MYBPC1: variants seen among roughly 807,000 people sequenced by gnomAD.
MYBPC1 encodes the protein myosin binding protein C1, also known as myosin-binding protein C, slow-type.
In MYBPC1, 52 loss-of-function variants were observed where a neutral mutation model predicts 147.1. The ratio of observed to expected loss-of-function variants is 0.35; its 90% CI spans 0.28 to 0.45. MYBPC1 has a LOEUF of 0.45. Among genes scored for constraint, MYBPC1 ranks in the 20% least tolerant of loss-of-function variants. MYBPC1 has a pLI of 1.00. For synonymous variants in MYBPC1, 477 were observed against 475.9 expected, an observed-to-expected ratio of 1.00 and a Z score of -0.03; for missense variants, 1,228 against 1,440.3, an observed-to-expected ratio of 0.85 and a Z score of 2.39.
chr12:101,670,997 A>ACC (rs1172606318), intron 24 of MYBPC1, among the ~76,000 whole-genome samples: 1 of 151,570 alleles, frequency 6.6e-6, no homozygotes, highest in Non-Finnish European at 1.5e-5. Flanking sequence ...ACACACACAC[A>ACC]CCCTGCACCT....
At chr12:101,666,812 G>T in intron 22 of MYBPC1, 1 of 1,610,238 alleles carries the variant, frequency 6.2e-7, no homozygotes, top group Non-Finnish European at 8.5e-7. Flanking sequence ...AGTATTCCGT[G>T]AAGCTCTCAA....
At chr12:101,662,605 T>C (rs1486345969) in intron 21 of MYBPC1, 59 bp downstream of exon 21, 1 of 1,573,226 alleles carries the variant, frequency 6.4e-7, no homozygotes, top group East Asian at 2.2e-5. Context: ...TATGACTGCT[T>C]TCTCTCTGAT....
chr12:101,673,734 CTTTT>C (rs1447621662), intron 25 of MYBPC1, 112 bp downstream of exon 25: 1 of 1,165,088 alleles, frequency 8.6e-7, no homozygotes. Flanking sequence ...ACATAAAACT[CTTTT>C]TTTAGATTTA....
At chr12:101,631,884 G>T (rs1166155823) in intron 7 of MYBPC1, 137 bp from the exon 8 acceptor site, 1 of 1,295,466 alleles carries the variant, frequency 7.7e-7, no homozygotes, top group African/African-American at 1.5e-5. Context: ...CTGTGTCCGG[G>T]GGCTACAGGA....
chr12:101,639,028 AAAAATATGATT>A (rs1314733953), intron 10 of MYBPC1, among the ~76,000 whole-genome samples: 1 of 152,190 alleles, frequency 6.6e-6, no homozygotes, highest in African/African-American at 2.4e-5. Context: ...CACAAGAAAA[AAAAATATGATT>A]AAAACCAACA....
In MYBPC1 at chr12:101,675,449, C is replaced by A. The variant is rs1349440133; in HGVS notation, c.2949+18C>A. On this transcript the variant is annotated intron_variant, in intron 26 of 31. Coordinates refer to ENST00000361466, the MANE Select transcript of MYBPC1 (RefSeq NM_002465.4). ...AGAGCATGGTAAGGTCTGGCTTTCTCTGGTTCATCAGTAGCAAAAGGCACA... is the reference window on the plus strand; with the variant it reads ...AGAGCATGGTAAGGTCTGGCTTTCTATGGTTCATCAGTAGCAAAAGGCACA... 1.2e-6 allele frequency: 2 copies of A among 1,613,888 alleles called. No individual in the cohort carries two copies. Among genetic ancestry groups the A allele is most frequent in the South Asian group, 2.2e-5 (2 of 91,074 alleles).
At chr12:101,598,117 T>C (rs1022446976) in intron 1 of MYBPC1, among the ~76,000 whole-genome samples, 2 of 151,628 alleles carry the variant, frequency 1.3e-5, no homozygotes, top group Non-Finnish European at 2.9e-5. Context: ...CCTCCCAGGT[T>C]CAAGTGATTC....
At chr12:101,684,574 C>T (rs949679841) in intron 31 of MYBPC1, 150 bp downstream of exon 31, 1 of 658,404 alleles carries the variant, frequency 1.5e-6, no homozygotes, top group African/African-American at 1.8e-5. Flanking sequence ...TTGTATTTCA[C>T]TATCTTGAAA....
intron 18 of MYBPC1, among the ~76,000 whole-genome samples, chr12:101,658,147 A>AG (rs1304466598): frequency 1.3e-5 from 2 of 150,092 alleles, no homozygotes; most frequent in African/African-American, 4.8e-5. Context: ...AAAAAAAAAA[A>AG]AAGAGCAAAT....
At chr12:101,611,013 T>C in intron 1 of MYBPC1, among the ~76,000 whole-genome samples, 1 of 152,362 alleles carries the variant, frequency 6.6e-6, no homozygotes, top group East Asian at 1.9e-4. Flanking sequence ...AGGATTAATA[T>C]GCACTAGGTC....
downstream of MYBPC1, among the ~76,000 whole-genome samples, chr12:101,690,039 G>A (rs575237378): frequency 6.6e-6 from 1 of 152,348 alleles, no homozygotes; most frequent in East Asian, 1.9e-4. Flanking sequence ...GCCAGGCGTG[G>A]TGGCGCGTGC....
chr12:101,681,573 TATATATATATATATATATA>T (rs1243944734), intron 29 of MYBPC1, among the ~76,000 whole-genome samples: 96 of 24,290 alleles, frequency 4.0e-3, no homozygotes, highest in African/African-American at 0.017. Flanking sequence ...TATATATATA[TATATATATATATATATATA>T]TTTTTTTTTT....
intron 24 of MYBPC1, among the ~76,000 whole-genome samples, chr12:101,672,692 T>C (rs762014666): frequency 4.0e-5 from 6 of 151,840 alleles, no homozygotes; most frequent in Non-Finnish European, 5.9e-5. Context: ...TACTAACAAC[T>C]AAAAAAATTA....
In MYBPC1 at chr12:101,615,662, G is replaced by GCCC. The variant is rs200320748; in HGVS notation, c.61+1139_61+1141dup. On this transcript the variant is annotated intron_variant, in intron 2 of 31. Coordinates refer to ENST00000361466, the MANE Select transcript of MYBPC1 (RefSeq NM_002465.4). ...TTAGGCAATATTATAAGAACCCCCCGCCCCCCCCCCGCCCCCCCACACCAA... is the reference window on the plus strand; with the variant it reads ...TTAGGCAATATTATAAGAACCCCCCGCCCCCCCCCCCCCGCCCCCCCACACCAA... Among the ~76,000 whole-genome samples the GCCC allele has an allele frequency of 5.6e-3, 243 of 43,434 alleles. 1 individual carries two copies. The highest frequency in any genetic ancestry group is 0.016 in the African/African-American group (216 of 13,174). 28.5% of individuals were successfully genotyped at this position (43,434 alleles called of 152,430 possible). A position where few individuals can be genotyped will look rare whatever the true frequency, so the allele number is the denominator to read the frequency against.
At chr12:101,646,942 G>A (rs1893282760) in intron 13 of MYBPC1, 55 bp downstream of exon 13, 1 of 1,602,266 alleles carries the variant, frequency 6.2e-7, no homozygotes, top group Non-Finnish European at 8.5e-7. Flanking sequence ...TCTTCTCCCA[G>A]GGATAATGAT....
At chr12:101,614,349 G>A (rs1885289239) in intron 1 of MYBPC1, 147 bp from the exon 2 acceptor site, 1 of 778,726 alleles carries the variant, frequency 1.3e-6, no homozygotes, top group Non-Finnish European at 2.2e-6. Context: ...AGAGAGAGAA[G>A]AGAGAATGTG....
chr12:101,606,123 A>G (rs1882048098), intron 1 of MYBPC1, among the ~76,000 whole-genome samples: 1 of 150,794 alleles, frequency 6.6e-6, no homozygotes, highest in Admixed American at 6.6e-5. Flanking sequence ...GCCTGGGGAG[A>G]TCGAGGCTGC....
At chr12:101,675,463 G>C (rs1013603398) in intron 26 of MYBPC1, 32 bp downstream of exon 26, 3 of 1,613,772 alleles carry the variant, frequency 1.9e-6, no homozygotes, top group Admixed American at 3.3e-5. Context: ...TTCATCAGTA[G>C]CAAAAGGCAC....
rs1565977756 is a variant in MYBPC1, at chr12:101,661,140, A to G, written c.1928-18A>G. Reference sequence around the variant, plus strand: ...CCTCTTCCTTATTTTACTTTATCCTATTTTTTGTCTGCCACAGACTTCCCT... The same window carrying G: ...CCTCTTCCTTATTTTACTTTATCCTGTTTTTTGTCTGCCACAGACTTCCCT... On this transcript the variant is annotated intron_variant, in intron 19 of 31. Coordinates refer to ENST00000361466, the MANE Select transcript of MYBPC1 (RefSeq NM_002465.4). 2 of 1,578,640 alleles carry G rather than the reference A, an allele frequency of 1.3e-6. No individual in the cohort carries two copies. The highest frequency in any genetic ancestry group is 2.2e-5 in the East Asian group (1 of 44,676).
Sources: allele counts gnomAD v4.1 joint callset (sites outside exome capture counted in the v4.1 genomes callset), GRCh38; gene constraint gnomAD v4.1.1; transcripts MANE v1.5; gene names NCBI Gene and HGNC (gene_info 2026-07-23, HGNC 2026-07-21).